Variants in CNTN6 observed in about 807,000 individuals in gnomAD.
CNTN6 encodes the protein contactin 6.
Under a neutral mutation model 122.8 loss-of-function variants are expected in CNTN6, and 137 were observed. The ratio of observed to expected loss-of-function variants is 1.12; its 90% confidence interval spans 0.97 to 1.29. CNTN6 has a LOEUF of 1.29. CNTN6 is among the 50% of genes most tolerant of loss of function. The pLI is 0.00. For synonymous variants in CNTN6, 570 were observed against 426.0 expected, an observed-to-expected ratio of 1.34 and a Z score of -4.16; for missense variants, 1,634 against 1,223.4, an observed-to-expected ratio of 1.34 and a Z score of -5.01.
At position 1,227,909 on chromosome 3, in the gene CNTN6, G is replaced by T. The variant is rs756180094; in HGVS notation, c.274G>T (p.Asp92Tyr). ...TCTTGCAATCAATAGCCCCCACACAGATCAAGATATTGGCATGTACCAGTG... is the reference window on the plus strand; with the variant it reads ...TCTTGCAATCAATAGCCCCCACACATATCAAGATATTGGCATGTACCAGTG... ...GSLAINSPHT[D>Y]QDIGMYQCLA... Residue 92 changes from aspartate (D) to tyrosine (Y), a missense_variant, in exon 4 of 23, where the codon GAT becomes TAT. Physicochemically the swap from Asp to Tyr is radical, Grantham distance 160 (BLOSUM62 -3). Transcript: ENST00000446702. 1.2e-6 allele frequency: 2 copies of T among 1,613,992 alleles called. No individual in the cohort carries two copies. The highest frequency in any genetic ancestry group is 3.3e-5 in the Admixed American group (2 of 59,986).
chr3:1,151,924 T>A (rs768409211), intron 2 of CNTN6, among the ~76,000 whole-genome samples: 4 of 152,130 alleles, frequency 2.6e-5, no homozygotes, highest in Non-Finnish European at 5.9e-5. Flanking sequence ...ATCAAGAGGT[T>A]TAATATAGAC....
chr3:1,357,508 A>T (rs1706766011), intron 12 of CNTN6, among the ~76,000 whole-genome samples: 1 of 151,940 alleles, frequency 6.6e-6, no homozygotes, highest in Admixed American at 6.6e-5. Context: ...TTTGAAGCAG[A>T]TATTATTATC....
chr3:1,396,670 T>G (rs898346084), intron 20 of CNTN6, among the ~76,000 whole-genome samples: 35 of 152,218 alleles, frequency 2.3e-4, no homozygotes, highest in African/African-American at 7.2e-4. Flanking sequence ...GGCAATTTAC[T>G]TTCTTTGCAT....
chr3:1,244,390 CCCCAGGAAAGCGGGA>C (rs1348123492), intron 4 of CNTN6, among the ~76,000 whole-genome samples: 5 of 146,460 alleles, frequency 3.4e-5, no homozygotes, highest in African/African-American at 1.3e-4. Flanking sequence ...CTTGGCCCTG[CCCCAGGAAAGCGGGA>C]CTTGCCGCTG....
chr3:1,141,197 A>G (rs1389127066), intron 1 of CNTN6, among the ~76,000 whole-genome samples: 4 of 152,182 alleles, frequency 2.6e-5, no homozygotes, highest in African/African-American at 9.6e-5. Context: ...GAGCTACCTG[A>G]ACAAAGTGAA....
At chr3:1,138,635 A>G (rs2092540872) in intron 1 of CNTN6, among the ~76,000 whole-genome samples, 1 of 152,004 alleles carries the variant, frequency 6.6e-6, no homozygotes, top group South Asian at 2.1e-4. Context: ...CTACCACTCT[A>G]ATATTGCTCA....
chr3:1,277,379 A>G (rs1356856593), intron 4 of CNTN6, among the ~76,000 whole-genome samples: 2 of 36,020 alleles, frequency 5.6e-5, no homozygotes, highest in Non-Finnish European at 9.6e-5. Flanking sequence ...TTTTTTTTTG[A>G]GACCGATTCT....
intron 1 of CNTN6, among the ~76,000 whole-genome samples, chr3:1,142,212 T>TAAAA (rs67721626): frequency 1.5e-5 from 2 of 130,792 alleles, no homozygotes; most frequent in Non-Finnish European, 3.3e-5. Flanking sequence ...TTTCCATTCC[T>TAAAA]AAAAAAAAAA....
intron 11 of CNTN6, among the ~76,000 whole-genome samples, chr3:1,349,565 C>T (rs1448981450): frequency 2.6e-5 from 4 of 151,812 alleles, no homozygotes; most frequent in African/African-American, 9.7e-5. Flanking sequence ...CCAAAACCAT[C>T]AATTAAAATG....
chr3:1,098,886 C>A (rs1054983833), intron 1 of CNTN6, among the ~76,000 whole-genome samples: 4 of 146,846 alleles, frequency 2.7e-5, no homozygotes, highest in African/African-American at 9.8e-5. Flanking sequence ...CCCAGAATTA[C>A]CAAATGCTAA....
chr3:1,399,043 T>C (rs1418566514), intron 20 of CNTN6, among the ~76,000 whole-genome samples: 1 of 152,136 alleles, frequency 6.6e-6, no homozygotes, highest in East Asian at 1.9e-4. Context: ...ATTTTTTCAA[T>C]GGATTTATAG....
chr3:1,185,132 CAT>C (rs1286862618), intron 2 of CNTN6, among the ~76,000 whole-genome samples: 1 of 152,102 alleles, frequency 6.6e-6, no homozygotes, highest in East Asian at 1.9e-4. Flanking sequence ...AATTATTGCT[CAT>C]AAAATTTTTA....
intron 2 of CNTN6, among the ~76,000 whole-genome samples, chr3:1,167,746 C>T (rs1032313878): frequency 2.0e-5 from 3 of 152,120 alleles, no homozygotes; most frequent in Non-Finnish European, 4.4e-5. Flanking sequence ...CAGGCTGTCT[C>T]GCTCCTGAAT....
intron 1 of CNTN6, among the ~76,000 whole-genome samples, chr3:1,102,562 C>A (rs180886701): frequency 6.7e-6 from 1 of 149,106 alleles, no homozygotes; most frequent in East Asian, 2.0e-4. Flanking sequence ...AACCCCGTCT[C>A]TACTAAAAAT....
intron 5 of CNTN6, among the ~76,000 whole-genome samples, chr3:1,283,232 G>T (rs888119866): frequency 6.6e-6 from 1 of 152,128 alleles, no homozygotes. Context: ...TGGGATCACC[G>T]GTGTGAGCCA....
intron 5 of CNTN6, among the ~76,000 whole-genome samples, chr3:1,288,505 G>T (rs981198443): frequency 6.6e-6 from 1 of 152,148 alleles, no homozygotes; most frequent in Non-Finnish European, 1.5e-5. Flanking sequence ...CACTACACAA[G>T]GTTTGCAGTA....
At chr3:1,249,932 G>GT (rs1247879004) in intron 4 of CNTN6, among the ~76,000 whole-genome samples, 1 of 151,870 alleles carries the variant, frequency 6.6e-6, no homozygotes, top group African/African-American at 2.4e-5. Flanking sequence ...TGTTGTTTCT[G>GT]TTTTGTTTTT....
At chr3:1,367,515 A>G (rs1031791066) in intron 12 of CNTN6, among the ~76,000 whole-genome samples, 17 of 151,628 alleles carry the variant, frequency 1.1e-4, no homozygotes, top group African/African-American at 4.1e-4. Context: ...TTACCTCTCA[A>G]TTTGTGTTTT....
Position 1,329,657 on chromosome 3 carries a change from G to C in CNTN6, c.1214-128G>C, listed in dbSNP as rs1702016150. Reference sequence around the variant, plus strand: ...TCAGTATTTGGTCCAAGAACACCTTGAGCAAAGTAACCTGAAAAGAGGATA... The same window carrying C: ...TCAGTATTTGGTCCAAGAACACCTTCAGCAAAGTAACCTGAAAAGAGGATA... On this transcript the variant is annotated intron_variant, in intron 10 of 22. Transcript: ENST00000446702. The C allele has an allele frequency of 1.5e-5, 11 of 720,486 alleles. No homozygotes were observed. In the South Asian group the frequency reaches 3.2e-4, roughly 21 times the overall value. The allele number at this position is 720,486 out of a possible 1,614,324, so 44.6% of individuals were successfully genotyped here.
Sources: gnomAD v4.1 joint callset for allele counts (sites outside exome capture counted in the v4.1 genomes callset) on GRCh38, gnomAD v4.1.1 for gene constraint, MANE v1.5 for transcripts, NCBI Gene and HGNC (gene_info 2026-07-23, HGNC 2026-07-21) for gene names.